The following LPIN2 variants were observed in gnomAD, a reference collection of about 807,000 sequenced individuals.
The protein encoded by LPIN2 is lipin 2, also known as phosphatidate phosphatase LPIN2.
Under a neutral mutation model 111.4 loss-of-function variants are expected in LPIN2, and 55 were observed. The ratio of observed to expected loss-of-function variants is 0.49; its 90% CI spans 0.40 to 0.62. The LOEUF is 0.62. Among genes scored for constraint, LPIN2 ranks in the 20% least tolerant of loss-of-function variants. LPIN2 has a pLI of 0.00. For synonymous variants in LPIN2, 425 were observed against 414.0 expected (o/e 1.03, Z -0.32); for missense variants, 992 against 1,112.1 (o/e 0.89, Z 1.54).
At chr18:2,993,867 A>G (rs2078302592) in intron 1 of LPIN2, among the ~76,000 whole-genome samples, 1 of 152,226 alleles carries the variant, frequency 6.6e-6, no homozygotes, top group Non-Finnish European at 1.5e-5. Context: ...CCAGCAGCAT[A>G]CATGTATACC....
chr18:2,928,388 A>C (rs2077166707), intron 11 of LPIN2, among the ~76,000 whole-genome samples: 1 of 152,224 alleles, frequency 6.6e-6, no homozygotes, highest in Admixed American at 6.5e-5. Flanking sequence ...TGAAATAAAG[A>C]AGTGGCAGCC....
At chr18:3,012,121 C>G (rs769777621) in intron 1 of LPIN2, among the ~76,000 whole-genome samples, 4 of 152,150 alleles carry the variant, frequency 2.6e-5, no homozygotes, top group Non-Finnish European at 5.9e-5. Context: ...ATCATCACTA[C>G]TGGGTAAAGA....
intron 1 of LPIN2, among the ~76,000 whole-genome samples, chr18:2,979,625 A>C (rs1012347571): frequency 3.3e-5 from 5 of 152,206 alleles, no homozygotes; most frequent in African/African-American, 1.2e-4. Flanking sequence ...TTTTAATTGT[A>C]AACTACTTCT....
chr18:2,950,716 A>C, intron 4 of LPIN2: 1 of 355,852 alleles, frequency 2.8e-6, no homozygotes, highest in Non-Finnish European at 5.3e-6. Context: ...GCCACTGGGT[A>C]GGGAAATCCC....
chr18:2,958,166 A>AAAAAAAAAAAAAAAAAAAAAAAAAAAAC (rs1568571302), intron 2 of LPIN2, among the ~76,000 whole-genome samples: 1 of 146,004 alleles, frequency 6.8e-6, no homozygotes, highest in East Asian at 2.1e-4. Context: ...AACAACAAAA[A>AAAAAAAAAAAAAAAAAAAAAAAAAAAAC]AAAAAAACAG....
intron 1 of LPIN2, among the ~76,000 whole-genome samples, chr18:2,991,408 T>C (rs2078263153): frequency 6.6e-6 from 1 of 152,120 alleles, no homozygotes; most frequent in Non-Finnish European, 1.5e-5. Flanking sequence ...GAAAACAAGT[T>C]TGGTCGTTTC....
chr18:2,979,830 T>TAATCTTGTATGGTCCCTC (rs2078078890), intron 1 of LPIN2, among the ~76,000 whole-genome samples: 1 of 152,092 alleles, frequency 6.6e-6, no homozygotes. Flanking sequence ...GCCTAACCAG[T>TAATCTTGTATGGTCCCTC]AATCTTGTAT....
At chr18:2,956,353 C>T (rs1338511543) in intron 2 of LPIN2, among the ~76,000 whole-genome samples, 1 of 98,472 alleles carries the variant, frequency 1.0e-5, no homozygotes, top group Non-Finnish European at 2.1e-5. Context: ...TGTACACGTG[C>T]ACACATCCAC....
At chr18:2,932,699 G>A (rs948876620) in intron 8 of LPIN2, among the ~76,000 whole-genome samples, 11 of 152,224 alleles carry the variant, frequency 7.2e-5, no homozygotes, top group East Asian at 1.9e-4. Context: ...TGACTGAGCC[G>A]TGAATATGGA....
intron 4 of LPIN2, among the ~76,000 whole-genome samples, chr18:2,943,040 A>T (rs1254220406): frequency 2.0e-5 from 3 of 152,224 alleles, no homozygotes; most frequent in Non-Finnish European, 2.9e-5. Context: ...ATGTGCTACA[A>T]CATCACATCT....
chr18:2,937,218 C>T (rs999183409), intron 7 of LPIN2, among the ~76,000 whole-genome samples: 2 of 151,974 alleles, frequency 1.3e-5, no homozygotes, highest in African/African-American at 4.8e-5. Context: ...CTGGACTTTC[C>T]AGGGGGACGC....
chr18:2,929,791 A>T (rs528225547), intron 9 of LPIN2, among the ~76,000 whole-genome samples: 1 of 152,278 alleles, frequency 6.6e-6, no homozygotes, highest in South Asian at 2.1e-4. Context: ...CTGTAATTCC[A>T]GCTACTTGGG....
Position 2,921,652 on chromosome 18 carries a change from GA to G in LPIN2, c.2328-6del. Reference sequence around the variant, plus strand: ...GGTTTCTTTTCTATCACTTCTCTAAGAAAAAAATACAAATACAATCACCAAT... The same window carrying G: ...GGTTTCTTTTCTATCACTTCTCTAAGAAAAAATACAAATACAATCACCAAT... On this transcript the variant is annotated splice_polypyrimidine_tract_variant and splice_region_variant and intron_variant, in intron 17 of 19. Transcript: ENST00000677752. The G allele has an allele frequency of 6.4e-7, 1 of 1,569,290 alleles. No homozygotes were observed. Among genetic ancestry groups the G allele is most frequent in the Non-Finnish European group, 8.8e-7 (1 of 1,139,198 alleles).
At chr18:2,968,466 C>T (rs890373591) in intron 1 of LPIN2, among the ~76,000 whole-genome samples, 4 of 152,180 alleles carry the variant, frequency 2.6e-5, no homozygotes, top group African/African-American at 9.7e-5. Flanking sequence ...CTCATCCTCT[C>T]TCAGAGGACC....
At chr18:3,000,285 A>G (rs1447468372) in intron 1 of LPIN2, among the ~76,000 whole-genome samples, 1 of 152,212 alleles carries the variant, frequency 6.6e-6, no homozygotes, top group Non-Finnish European at 1.5e-5. Context: ...GTACAGAAAC[A>G]GGAGAGGAAA....
chr18:2,942,446 A>G (rs2077378852), intron 4 of LPIN2, among the ~76,000 whole-genome samples: 1 of 152,240 alleles, frequency 6.6e-6, no homozygotes, highest in Admixed American at 6.5e-5. Flanking sequence ...TCTGAAAAGA[A>G]CAATGTAAAA....
chr18:2,920,772 A>G lies in LPIN2; in HGVS notation c.2546+6T>C, dbSNP rs745754074. Reference sequence around the variant, plus strand: ...GCGCCGGGCTGAGAGCTGAGAATGTACTTACGATGACTTGTTTCCTTTGGT... The same window carrying G: ...GCGCCGGGCTGAGAGCTGAGAATGTGCTTACGATGACTTGTTTCCTTTGGT... On this transcript the variant is annotated splice_donor_region_variant and intron_variant, in intron 19 of 19. Transcript: ENST00000677752. The G allele has an allele frequency of 6.2e-7, 1 of 1,609,762 alleles. No individual in the cohort carries two copies. The highest frequency in any genetic ancestry group is 2.2e-5 in the East Asian group (1 of 44,854).
rs540295742 is a variant in LPIN2 at position 3,003,490 on chromosome 18, A to C, written c.-10+9597T>G. 4.6e-5 allele frequency among the ~76,000 whole-genome samples: 7 copies of C among 152,330 alleles called. No homozygotes were observed. In the South Asian group the frequency reaches 1.5e-3, roughly 32 times the overall value. On this transcript the variant is annotated intron_variant, in intron 1 of 19. Coordinates refer to ENST00000677752, the MANE Select transcript of LPIN2 (RefSeq NM_001375808.2). ...GCAGGAGCCGAGGCAGAAGAACATA[A>C]ATTGTGAAGATTTCATGGACATTTA...
At chr18:2,946,946 G>T in intron 4 of LPIN2, 1 of 242,158 alleles carries the variant, frequency 4.1e-6, no homozygotes, top group South Asian at 4.9e-5. Context: ...TGTCAGAAAC[G>T]AAGGAGAGAA....
Sources: gnomAD v4.1 joint callset for allele counts (sites outside exome capture counted in the v4.1 genomes callset) on GRCh38, gnomAD v4.1.1 for gene constraint, MANE v1.5 for transcripts, NCBI Gene and HGNC (gene_info 2026-07-23, HGNC 2026-07-21) for gene names.